The following FBN2 variants were observed in gnomAD, a reference collection of about 807,000 sequenced individuals.
FBN2 encodes the protein fibrillin-2.
A neutral mutation model predicts 355.6 loss-of-function variants in FBN2; 105 were observed. That is an observed-to-expected ratio of 0.30 (90% CI 0.25 to 0.35). FBN2 has a LOEUF of 0.35. FBN2 is among the 10% of genes least tolerant of loss of function. The pLI is 1.00. For synonymous variants in FBN2, 1,350 were observed against 1,301.2 expected, an observed-to-expected ratio of 1.04 and a Z score of -0.81; for missense variants, 3,280 against 3,758.7, an observed-to-expected ratio of 0.87 and a Z score of 3.33.
Position 128,278,632 on chromosome 5 carries a change from T to G in FBN2, c.7345+3A>C, listed in dbSNP as rs776419198. 13 of 1,613,148 alleles carry G rather than the reference T, an allele frequency of 8.1e-6. No individual in the cohort carries two copies. In the South Asian group the frequency reaches 1.4e-4, roughly 18 times the overall value. ...ATATGAATAAATTTCCTCAACTCCT[T>G]ACCTCTTCCATCAGTTGTATATCCT... On this transcript the variant is annotated splice_donor_region_variant and intron_variant, in intron 57 of 64. Coordinates refer to ENST00000262464, the MANE Select transcript of FBN2 (RefSeq NM_001999.4).
At position 128,335,241 on chromosome 5, in the gene FBN2, T is replaced by G. The variant is rs1018624400; in HGVS notation, c.3902A>C (p.Asn1301Thr). The change falls in exon 30 of 65, where the codon AAC (asparagine) becomes ACC (threonine). Residue 1301 changes from asparagine to threonine, a missense_variant. Physicochemically the swap from Asn to Thr is moderately conservative, Grantham distance 65. Around this residue, in one of 6 missense-constraint regions of FBN2, gnomAD observed 2,284 missense variants for 2,749.5 expected, o/e 0.83. Transcript: ENST00000262464. The stretch of plus-strand genomic sequence containing the variant: ...GAGGCAGCGATACTCTCCAGGAATG[T>G]TGGTACACTGGCCGCCATCACAGAT... ...PDICDGGQCTNIPGEYRCLCY... is the reference protein window; with the variant it reads ...PDICDGGQCTTIPGEYRCLCY... The G allele has an allele frequency of 5.0e-6, 8 of 1,614,020 alleles. No individual in the cohort carries two copies. Among genetic ancestry groups the G allele is most frequent in the Non-Finnish European group, 6.8e-6 (8 of 1,179,992 alleles).
chr5:128,332,181 GC>G (rs1750712370), intron 32 of FBN2, among the ~76,000 whole-genome samples: 1 of 152,108 alleles, frequency 6.6e-6, no homozygotes, highest in Non-Finnish European at 1.5e-5. Flanking sequence ...CTTACTGAGG[GC>G]CTATATATTT....
intron 36 of FBN2, among the ~76,000 whole-genome samples, chr5:128,314,760 T>A (rs1750155608): frequency 6.6e-6 from 1 of 152,242 alleles, no homozygotes; most frequent in Non-Finnish European, 1.5e-5. Context: ...TTTTTACATG[T>A]GCTCTTGCAA....
chr5:128,304,888 T>G (rs199792578), intron 45 of FBN2, 69 bp downstream of exon 45: 26 of 1,598,824 alleles, frequency 1.6e-5, no homozygotes, highest in Non-Finnish European at 2.1e-5. Flanking sequence ...TCATGGCACT[T>G]GATGGAACTG....
chr5:128,327,332 C>G (rs191461440), intron 34 of FBN2, among the ~76,000 whole-genome samples: 1 of 152,126 alleles, frequency 6.6e-6, no homozygotes, highest in East Asian at 1.9e-4. Flanking sequence ...ACTTTTGGCA[C>G]ACTTTCTTTC....
At chr5:128,528,617 A>G (rs1756629122) in intron 3 of FBN2, among the ~76,000 whole-genome samples, 1 of 152,174 alleles carries the variant, frequency 6.6e-6, no homozygotes, top group Non-Finnish European at 1.5e-5. Context: ...TCTTCTGAAG[A>G]ATGGAGAGAT....
At chr5:128,451,850 A>G (rs1375680694) in intron 6 of FBN2, among the ~76,000 whole-genome samples, 1 of 152,228 alleles carries the variant, frequency 6.6e-6, no homozygotes, top group African/African-American at 2.4e-5. Flanking sequence ...CCTTAACATT[A>G]TTCATAAAAT....
chr5:128,375,122 T>C (rs1490794130), intron 14 of FBN2, among the ~76,000 whole-genome samples: 1 of 152,224 alleles, frequency 6.6e-6, no homozygotes, highest in East Asian at 1.9e-4. Context: ...TATGCTGATA[T>C]TCATTTGGTC....
intron 5 of FBN2, among the ~76,000 whole-genome samples, chr5:128,491,324 T>C (rs913780213): frequency 2.0e-5 from 3 of 152,208 alleles, no homozygotes; most frequent in Admixed American, 2.0e-4. Flanking sequence ...TGTAACGCAA[T>C]AAGAGCTTTT....
At chr5:128,306,131 C>A (rs2126839517) in intron 42 of FBN2, among the ~76,000 whole-genome samples, 183 bp from the exon 43 acceptor site, 1 of 152,012 alleles carries the variant, frequency 6.6e-6, no homozygotes, top group Non-Finnish European at 1.5e-5. Flanking sequence ...AAAATAGAAA[C>A]AGTGATGGAA....
chr5:128,396,258 A>C (rs1201008169), intron 8 of FBN2, among the ~76,000 whole-genome samples: 1 of 152,240 alleles, frequency 6.6e-6, no homozygotes, highest in African/African-American at 2.4e-5. Context: ...ACACAAGACA[A>C]GGCTCCTCTT....
intron 6 of FBN2, among the ~76,000 whole-genome samples, chr5:128,447,146 G>A (rs866453708): frequency 4.6e-5 from 7 of 152,184 alleles, no homozygotes; most frequent in Middle Eastern, 3.4e-3. Context: ...TGATGATTGC[G>A]TTAACGGCAC....
chr5:128,428,594 C>G (rs76458537), intron 7 of FBN2, among the ~76,000 whole-genome samples: 3,959 of 152,274 alleles, frequency 0.026, 193 homozygotes, highest in African/African-American at 0.09. Flanking sequence ...GTGACTTTCC[C>G]TGGTTGCCTG....
intron 34 of FBN2, among the ~76,000 whole-genome samples, chr5:128,320,631 T>G (rs560828962): frequency 1.3e-5 from 2 of 152,284 alleles, no homozygotes; most frequent in South Asian, 4.1e-4. Context: ...TGATAAATAT[T>G]CAAAAATTCA....
rs115509655 is a variant in FBN2 at position 128,535,478 on chromosome 5, T to C, written c.337+924A>G. ...AAAGTCAAGACTGGCTCTAAATGAATGTGCTGTCTATGATACCTGGCTCTC... is the reference window on the plus strand; with the variant it reads ...AAAGTCAAGACTGGCTCTAAATGAACGTGCTGTCTATGATACCTGGCTCTC... On this transcript the variant is annotated intron_variant, in intron 2 of 64. Transcript: ENST00000262464. 2.9e-3 allele frequency among the ~76,000 whole-genome samples: 441 copies of C among 152,300 alleles called. 1 individual carries two copies. Among genetic ancestry groups the C allele is most frequent in the Middle Eastern group, 0.01 (3 of 294 alleles).
intron 6 of FBN2, among the ~76,000 whole-genome samples, chr5:128,455,444 G>A (rs1754354743): frequency 6.6e-6 from 1 of 152,030 alleles, no homozygotes; most frequent in African/African-American, 2.4e-5. Context: ...ACCACGCTAG[G>A]AGGGCACACC....
At chr5:128,521,091 C>G (rs544468689) in intron 4 of FBN2, among the ~76,000 whole-genome samples, 1 of 152,158 alleles carries the variant, frequency 6.6e-6, no homozygotes, top group East Asian at 1.9e-4. Flanking sequence ...GCACTATTCA[C>G]AATAGCAAAG....
intron 64 of FBN2, among the ~76,000 whole-genome samples, chr5:128,260,034 A>G (rs1335861958): frequency 6.6e-6 from 1 of 152,066 alleles, no homozygotes. Context: ...TTCCATCGAG[A>G]ATACCCTGTA....
At chr5:128,504,216 C>T (rs1581354870) in intron 5 of FBN2, among the ~76,000 whole-genome samples, 1 of 152,098 alleles carries the variant, frequency 6.6e-6, no homozygotes, top group Non-Finnish European at 1.5e-5. Context: ...ACGGGTGGAG[C>T]CCTAATGGAG....
Sources: allele counts gnomAD v4.1 joint callset (sites outside exome capture counted in the v4.1 genomes callset), GRCh38; gene constraint gnomAD v4.1.1; regional missense constraint gnomAD v4.1.1; transcripts MANE v1.5; gene names NCBI Gene and HGNC (gene_info 2026-07-23, HGNC 2026-07-21).